MIPOL1: variants seen among roughly 807,000 people sequenced by gnomAD.
MIPOL1 encodes mirror-image polydactyly gene 1 protein.
Under a neutral mutation model 60.9 loss-of-function variants are expected in MIPOL1, and 57 were observed. That is an observed-to-expected ratio of 0.94 (90% confidence interval 0.76 to 1.17). The LOEUF is 1.17. MIPOL1 is among the 50% of genes most tolerant of loss of function. The probability of loss-of-function intolerance (pLI) is 0.00; values close to 1 mark genes in which losing one functional copy is unlikely to be tolerated. For missense variants in MIPOL1, 551 were observed against 511.6 expected, an observed-to-expected ratio of 1.08 and a Z score of -0.74; for synonymous variants, 179 against 168.8, an observed-to-expected ratio of 1.06 and a Z score of -0.47.
intron 9 of MIPOL1, among the ~76,000 whole-genome samples, chr14:37,314,530 T>C (rs974072024): frequency 2.6e-5 from 4 of 152,160 alleles, no homozygotes; most frequent in Non-Finnish European, 5.9e-5. Flanking sequence ...TCCCTCTTAC[T>C]AGAACATACT....
intron 9 of MIPOL1, among the ~76,000 whole-genome samples, chr14:37,313,613 T>G (rs2087580715): frequency 6.6e-6 from 1 of 152,126 alleles, no homozygotes; most frequent in Non-Finnish European, 1.5e-5. Flanking sequence ...AAGGCAAAAG[T>G]CTTGTCATAG....
At chr14:37,463,280 G>A (rs1410388199) in intron 11 of MIPOL1, among the ~76,000 whole-genome samples, 2 of 152,106 alleles carry the variant, frequency 1.3e-5, no homozygotes, top group African/African-American at 4.8e-5. Flanking sequence ...GCACAGGAAA[G>A]ACCCACCCCC....
At chr14:37,396,975 G>T (rs531909772) in intron 10 of MIPOL1, 1 of 152,162 alleles carries the variant, frequency 6.6e-6, no homozygotes, top group Non-Finnish European at 1.5e-5. Context: ...TTCTTTTTCA[G>T]GTAAATGAGG....
intron 7 of MIPOL1, 46 bp from the exon 8 acceptor site, chr14:37,308,010 C>G (rs1294363865): frequency 1.3e-6 from 2 of 1,557,138 alleles, no homozygotes; most frequent in Non-Finnish European, 1.8e-6. Flanking sequence ...TTTTGCTGCA[C>G]TAAGGAAATG....
chr14:37,251,091 C>T (rs1974013552), intron 3 of MIPOL1, among the ~76,000 whole-genome samples: 1 of 152,040 alleles, frequency 6.6e-6, no homozygotes, highest in Non-Finnish European at 1.5e-5. Context: ...GACAGAGTCT[C>T]ACTCTGTCAT....
At chr14:37,377,063 A>G (rs2092795864) in intron 10 of MIPOL1, among the ~76,000 whole-genome samples, 1 of 152,076 alleles carries the variant, frequency 6.6e-6, no homozygotes, top group Admixed American at 6.6e-5. Context: ...CTGCTTAACC[A>G]CAGCAAATTT....
At chr14:37,333,168 C>G (rs1035862008) in intron 9 of MIPOL1, among the ~76,000 whole-genome samples, 18 of 151,700 alleles carry the variant, frequency 1.2e-4, no homozygotes, top group Non-Finnish European at 1.0e-4. Flanking sequence ...CGTGTGTAAT[C>G]TGTGTGTGTG....
At chr14:37,437,475 C>T (rs760800542) in intron 11 of MIPOL1, among the ~76,000 whole-genome samples, 2 of 152,062 alleles carry the variant, frequency 1.3e-5, no homozygotes, top group Admixed American at 6.6e-5. Context: ...GAAAGTTGGA[C>T]GCACTGTTCA....
At chr14:37,290,758 T>A (rs535199991) in intron 7 of MIPOL1, among the ~76,000 whole-genome samples, 11 of 152,130 alleles carry the variant, frequency 7.2e-5, no homozygotes, top group African/African-American at 2.7e-4. Flanking sequence ...CAGGTTATTA[T>A]ATAAGTAAAC....
intron 10 of MIPOL1, among the ~76,000 whole-genome samples, chr14:37,420,884 A>G (rs1383983757): frequency 1.3e-5 from 2 of 152,172 alleles, no homozygotes; most frequent in Non-Finnish European, 2.9e-5. Flanking sequence ...GGATAAGGGT[A>G]TTTCTGAAAA....
chr14:37,389,941 C>T (rs72671793), intron 10 of MIPOL1, among the ~76,000 whole-genome samples: 12,869 of 151,932 alleles, frequency 0.085, 826 homozygotes, highest in East Asian at 0.31. Flanking sequence ...TGGCTCACAC[C>T]TGTAATCCCA....
At chr14:37,504,043 C>G (rs1273880282) in intron 12 of MIPOL1, 1 of 152,112 alleles carries the variant, frequency 6.6e-6, no homozygotes, top group Non-Finnish European at 1.5e-5. Context: ...ATCACTTCAA[C>G]AAGAAGAGCT....
intron 3 of MIPOL1, among the ~76,000 whole-genome samples, chr14:37,251,952 T>C (rs1321280309): frequency 6.6e-6 from 1 of 151,866 alleles, no homozygotes; most frequent in African/African-American, 2.4e-5. Context: ...TTAGAACCTT[T>C]AGGGGTCAGT....
intron 11 of MIPOL1, among the ~76,000 whole-genome samples, chr14:37,446,348 G>A (rs948450367): frequency 1.3e-5 from 2 of 152,074 alleles, no homozygotes; most frequent in African/African-American, 4.8e-5. Context: ...GGCCATCAGA[G>A]AAATGCAAAT....
chr14:37,437,941 G>A (rs1034228566), intron 11 of MIPOL1, among the ~76,000 whole-genome samples: 2 of 151,676 alleles, frequency 1.3e-5, no homozygotes, highest in Non-Finnish European at 1.5e-5. Context: ...AGCTTTTTAG[G>A]CATTAAACGC....
At chr14:37,251,143 C>G (rs1594742027) in intron 3 of MIPOL1, among the ~76,000 whole-genome samples, 6 of 152,002 alleles carry the variant, frequency 3.9e-5, no homozygotes, top group Admixed American at 3.9e-4. Context: ...CCACTGTAAC[C>G]ATGAATTACT....
chr14:37,264,977 TTTTAA>T (rs1748524296), intron 3 of MIPOL1, among the ~76,000 whole-genome samples: 1 of 152,214 alleles, frequency 6.6e-6, no homozygotes, highest in South Asian at 2.1e-4. Flanking sequence ...GTATGTTCAC[TTTTAA>T]TTTATTTCAT....
intron 3 of MIPOL1, among the ~76,000 whole-genome samples, chr14:37,263,051 T>C (rs2082622963): frequency 6.6e-6 from 1 of 152,344 alleles, no homozygotes; most frequent in African/African-American, 2.4e-5. Flanking sequence ...GTAGCATCAA[T>C]CTGAGTATAG....
intron 9 of MIPOL1, among the ~76,000 whole-genome samples, chr14:37,310,949 T>G (rs2087264189): frequency 6.6e-6 from 1 of 152,164 alleles, no homozygotes. Context: ...GAAACAAGTC[T>G]CAAATCTCCA....
Sources: gnomAD v4.1 joint callset for allele counts (sites outside exome capture counted in the v4.1 genomes callset) on GRCh38, gnomAD v4.1.1 for gene constraint, MANE v1.5 for transcripts, NCBI Gene and HGNC (gene_info 2026-07-23, HGNC 2026-07-21) for gene names.